CACNA2D1: variants seen among roughly 807,000 people sequenced by gnomAD.
The protein encoded by CACNA2D1 is voltage-dependent calcium channel subunit alpha-2/delta-1.
In CACNA2D1, 53 loss-of-function variants were observed where a neutral mutation model predicts 171.5. The observed-to-expected ratio is 0.31, with a 90% CI of 0.25 to 0.39. The LOEUF (loss-of-function observed/expected upper bound fraction) is 0.39. Ranked by LOEUF, CACNA2D1 falls within the 10% of genes least tolerant of loss-of-function variation. The probability of loss-of-function intolerance (pLI) is 1.00; values close to 1 mark genes in which losing one functional copy is unlikely to be tolerated. For missense variants in CACNA2D1, 903 were observed against 1,299.8 expected (o/e 0.69, Z 4.69); for synonymous variants, 442 against 443.1 (o/e 1.00, Z 0.03).
intron 1 of CACNA2D1, among the ~76,000 whole-genome samples, chr7:82,398,916 T>A (rs560100999): frequency 6.6e-6 from 1 of 152,032 alleles, no homozygotes; most frequent in African/African-American, 2.4e-5. Flanking sequence ...TCTACCCTTC[T>A]TTCCTTCCTT....
At chr7:82,071,466 T>C (rs4732420) in intron 7 of CACNA2D1, among the ~76,000 whole-genome samples, 74,488 of 151,884 alleles carry the variant, frequency 0.49, 22,014 homozygotes, top group East Asian at 0.64. Context: ...TGGGCAGCAA[T>C]GGGAATAGGG....
At chr7:82,149,428 A>G (rs1793532867) in intron 4 of CACNA2D1, among the ~76,000 whole-genome samples, 1 of 152,116 alleles carries the variant, frequency 6.6e-6, no homozygotes, top group Admixed American at 6.6e-5. Flanking sequence ...AGCTGTGGTC[A>G]AGAGCAGGTA....
rs1806543930 is a variant in CACNA2D1, at chr7:82,060,180, TATATATATA to T, written c.879+239_879+247del. 2.2e-4 allele frequency among the ~76,000 whole-genome samples: 5 copies of T among 23,226 alleles called. 2 individuals carry two copies. The South Asian group carries it at 4.9e-3, about 23-fold the overall frequency. The allele number at this position is 23,226 out of a possible 152,430, so 15.2% of individuals were successfully genotyped here. On this transcript the variant is annotated intron_variant, in intron 10 of 38. Coordinates refer to ENST00000356860, the MANE Select transcript of CACNA2D1 (RefSeq NM_000722.4). ...ATATATATATAATATATATATATAA[TATATATATA>T]TTATATATATATTATATATATAATA... is the stretch of plus-strand genomic sequence containing the variant.
intron 3 of CACNA2D1, among the ~76,000 whole-genome samples, chr7:82,328,693 T>C (rs1235591456): frequency 6.6e-6 from 1 of 152,124 alleles, no homozygotes; most frequent in Non-Finnish European, 1.5e-5. Flanking sequence ...TTATATGTCC[T>C]CCAGTCTCAA....
At chr7:82,263,307 C>T (rs1807381769) in intron 3 of CACNA2D1, among the ~76,000 whole-genome samples, 1 of 151,906 alleles carries the variant, frequency 6.6e-6, no homozygotes. Context: ...GATGGGGTTT[C>T]ACCATAATGG....
chr7:82,316,753 AGGAGAAGCAAAG>A (rs1815174495), intron 3 of CACNA2D1, among the ~76,000 whole-genome samples: 1 of 152,202 alleles, frequency 6.6e-6, no homozygotes, highest in Non-Finnish European at 1.5e-5. Flanking sequence ...TGGAAGGCAC[AGGAGAAGCAAAG>A]GCATGCCTTA....
chr7:82,397,658 G>A (rs1825884879), intron 1 of CACNA2D1, among the ~76,000 whole-genome samples: 1 of 152,162 alleles, frequency 6.6e-6, no homozygotes, highest in Non-Finnish European at 1.5e-5. Flanking sequence ...AGTATAGAAA[G>A]TAGCAACTGA....
intron 3 of CACNA2D1, among the ~76,000 whole-genome samples, chr7:82,248,031 C>T (rs1805143920): frequency 6.6e-6 from 1 of 152,110 alleles, no homozygotes; most frequent in African/African-American, 2.4e-5. Context: ...TATCTACCAC[C>T]TTTAAAACAC....
intron 4 of CACNA2D1, 48 bp downstream of exon 4, chr7:82,170,502 C>T (rs1423179706): frequency 8.1e-7 from 1 of 1,238,500 alleles, no homozygotes; most frequent in Non-Finnish European, 1.2e-6. Context: ...ATTATCCATA[C>T]ACAATATGTC....
At chr7:82,246,229 C>CTA (rs59473223) in intron 3 of CACNA2D1, among the ~76,000 whole-genome samples, 13,490 of 150,176 alleles carry the variant, frequency 0.09, 995 homozygotes, top group African/African-American at 0.2. Context: ...ATGTATATAT[C>CTA]TATATATATA....
intron 36 of CACNA2D1, among the ~76,000 whole-genome samples, chr7:81,960,432 T>TAGG (rs1013598916): frequency 6.6e-6 from 1 of 152,048 alleles, no homozygotes; most frequent in African/African-American, 2.4e-5. Context: ...TAGCCACCTA[T>TAGG]AGGTGGTAAC....
intron 12 of CACNA2D1, among the ~76,000 whole-genome samples, chr7:82,020,557 G>A (rs1801063279): frequency 6.6e-6 from 1 of 151,944 alleles, no homozygotes; most frequent in Admixed American, 6.6e-5. Context: ...TGATGATGAA[G>A]ACAACAATGT....
At chr7:81,951,969 G>GTTTTTTTTTTTTTTGT (rs1792584715) in intron 38 of CACNA2D1, among the ~76,000 whole-genome samples, 1 of 71,916 alleles carries the variant, frequency 1.4e-5, no homozygotes, top group Non-Finnish European at 2.5e-5. Flanking sequence ...TGTACAAAGT[G>GTTTTTTTTTTTTTTGT]TTTTTTTTTT....
At chr7:82,196,816 ATTTT>A (rs549687950) in intron 3 of CACNA2D1, among the ~76,000 whole-genome samples, 2 of 147,076 alleles carry the variant, frequency 1.4e-5, no homozygotes, top group Admixed American at 6.9e-5. Context: ...CATCTGGTAC[ATTTT>A]TTTTTTTTAT....
chr7:82,326,095 C>G (rs1816617508), intron 3 of CACNA2D1, among the ~76,000 whole-genome samples: 1 of 152,150 alleles, frequency 6.6e-6, no homozygotes, highest in Non-Finnish European at 1.5e-5. Flanking sequence ...GGGAGAGGTT[C>G]CGGTCACCCA....
At chr7:82,347,875 C>T (rs1220590854) in intron 2 of CACNA2D1, among the ~76,000 whole-genome samples, 1 of 152,104 alleles carries the variant, frequency 6.6e-6, no homozygotes, top group Non-Finnish European at 1.5e-5. Context: ...CTATACTCTT[C>T]TTAGTAATCT....
At chr7:81,983,440 A>T in intron 22 of CACNA2D1, 106 bp from the exon 23 acceptor site, 1 of 839,760 alleles carries the variant, frequency 1.2e-6, no homozygotes, top group Non-Finnish European at 2.0e-6. Context: ...TTGAATAAAA[A>T]TATTGTGCAT....
chr7:81,966,907 C>T (rs1262022622), intron 31 of CACNA2D1, among the ~76,000 whole-genome samples: 1 of 151,412 alleles, frequency 6.6e-6, no homozygotes, highest in Non-Finnish European at 1.5e-5. Context: ...GAATGTAACA[C>T]AGTTGAGACC....
At chr7:82,313,728 T>G (rs1321891923) in intron 3 of CACNA2D1, among the ~76,000 whole-genome samples, 1 of 152,206 alleles carries the variant, frequency 6.6e-6, no homozygotes, top group Non-Finnish European at 1.5e-5. Context: ...CCTTTCAATG[T>G]ACCTTTTGTC....
Sources: allele counts gnomAD v4.1 joint callset (sites outside exome capture counted in the v4.1 genomes callset), GRCh38; gene constraint gnomAD v4.1.1; transcripts MANE v1.5; gene names NCBI Gene and HGNC (gene_info 2026-07-23, HGNC 2026-07-21).